The following PTPRN2 variants were observed in gnomAD, a reference collection of about 807,000 sequenced individuals.
The protein encoded by PTPRN2 is receptor-type tyrosine-protein phosphatase N2.
A neutral mutation model predicts 118.8 loss-of-function variants in PTPRN2; 74 were observed. That is an observed-to-expected ratio of 0.62 (90% confidence interval 0.52 to 0.76). The LOEUF is 0.76. PTPRN2 is among the 30% of genes least tolerant of loss of function. PTPRN2 has a pLI of 0.00. For synonymous variants in PTPRN2, 641 were observed against 608.0 expected, an observed-to-expected ratio of 1.05 and a Z score of -0.80; for missense variants, 1,481 against 1,394.4, an observed-to-expected ratio of 1.06 and a Z score of -0.99.
In PTPRN2 at chr7:157,571,467, C is replaced by T. The variant is rs199649946; in HGVS notation, c.2810G>A (p.Arg937His). 2.2e-5 allele frequency: 36 copies of T among 1,610,544 alleles called. No individual in the cohort carries two copies. The East Asian group carries it at 4.5e-4, about 20-fold the overall frequency. The change falls in exon 20 of 23, where the codon CGT becomes CAT. Residue 937 changes from arginine (R) to histidine (H), a missense_variant. Arg to His is a conservative substitution (Grantham distance 29). This residue lies in a region of PTPRN2 where 362 missense variants were observed against 384.1 expected (regional missense o/e 0.94). Transcript: ENST00000389418. ...RRKVNKCYRG[R>H]SCPIIVHCSD... ...GCAATGAACAATTATTGGACAAGAA[C>T]GGCCCCTGTAGCACTTGTTTACTTT...
chr7:158,582,556 A>C (rs553879806), intron 1 of PTPRN2, among the ~76,000 whole-genome samples: 3 of 142,288 alleles, frequency 2.1e-5, no homozygotes, highest in African/African-American at 8.0e-5. Flanking sequence ...GTCCTCTCTC[A>C]AAAAAAAAAA....
intron 1 of PTPRN2, among the ~76,000 whole-genome samples, chr7:158,523,820 G>A (rs867132957): frequency 1.9e-5 from 1 of 51,920 alleles, no homozygotes; most frequent in Non-Finnish European, 3.4e-5. Context: ...AGTGGAGTCT[G>A]CCCTGGAGTG....
intron 2 of PTPRN2, among the ~76,000 whole-genome samples, chr7:158,340,614 C>T (rs1281031018): frequency 4.4e-5 from 5 of 112,722 alleles, no homozygotes; most frequent in South Asian, 3.2e-4. Flanking sequence ...CACCCACACA[C>T]GTCACTCACA....
intron 11 of PTPRN2, among the ~76,000 whole-genome samples, chr7:157,924,211 G>A (rs1585024053): frequency 6.6e-6 from 1 of 152,216 alleles, no homozygotes; most frequent in Non-Finnish European, 1.5e-5. Flanking sequence ...GGGTGGCAGA[G>A]GAGGTCTATG....
intron 11 of PTPRN2, among the ~76,000 whole-genome samples, chr7:157,916,472 T>G (rs1292589218): frequency 6.6e-6 from 1 of 152,226 alleles, no homozygotes; most frequent in Non-Finnish European, 1.5e-5. Flanking sequence ...AACAAACTGC[T>G]CTCCTCTAAT....
chr7:158,283,014 G>A (rs150586711), intron 3 of PTPRN2, among the ~76,000 whole-genome samples: 143 of 151,396 alleles, frequency 9.4e-4, no homozygotes, highest in African/African-American at 3.3e-3. Flanking sequence ...CACAGCAGCC[G>A]GACACAGATG....
chr7:158,069,539 C>T (rs997985283), intron 11 of PTPRN2, among the ~76,000 whole-genome samples: 2 of 150,458 alleles, frequency 1.3e-5, no homozygotes, highest in Non-Finnish European at 3.0e-5. Context: ...ATGACAGGCT[C>T]GGCCGCCACG....
intron 1 of PTPRN2, among the ~76,000 whole-genome samples, chr7:158,572,663 A>G (rs903516065): frequency 1.3e-5 from 2 of 152,100 alleles, no homozygotes; most frequent in African/African-American, 4.8e-5. Context: ...CTGACTCATC[A>G]CTGTGATCCT....
intron 1 of PTPRN2, among the ~76,000 whole-genome samples, chr7:158,585,047 G>GCC (rs539741825): frequency 3.8e-4 from 58 of 152,310 alleles, no homozygotes; most frequent in African/African-American, 1.3e-3. Context: ...GCACAGCTGG[G>GCC]CCGGATTTAA....
At chr7:157,592,888 G>A (rs551072743) in intron 17 of PTPRN2, among the ~76,000 whole-genome samples, 18 of 140,192 alleles carry the variant, frequency 1.3e-4, no homozygotes, top group East Asian at 4.5e-4. Context: ...CATCGTGGTC[G>A]TTGAGTGTGG....
In PTPRN2 at chr7:158,438,679, T is replaced by A. The variant is rs1258633367; in HGVS notation, c.163+51056A>T. On this transcript the variant is annotated intron_variant, in intron 2 of 22. Coordinates refer to ENST00000389418, the MANE Select transcript of PTPRN2 (RefSeq NM_002847.5). The surrounding 1 kb of genome is among the most constrained non-coding windows in gnomAD (Gnocchi z 4.7). ...GGAATTTGCTAATGATGAATCGTGCTGTGTGAAAATACACTTTAGGCTGAT... is the reference window on the plus strand; with the variant it reads ...GGAATTTGCTAATGATGAATCGTGCAGTGTGAAAATACACTTTAGGCTGAT... Among the ~76,000 whole-genome samples the A allele has an allele frequency of 2.6e-5, 4 of 152,210 alleles. No homozygotes were observed. Among genetic ancestry groups the A allele is most frequent in the Admixed American group, 6.5e-5 (1 of 15,286 alleles).
intron 11 of PTPRN2, among the ~76,000 whole-genome samples, chr7:157,908,866 CAT>C (rs140851052): frequency 0.027 from 4,055 of 152,014 alleles, 181 homozygotes; most frequent in African/African-American, 0.092. Context: ...GCTTTTGAAG[CAT>C]AGTTTTAGTT....
At position 157,772,308 on chromosome 7, in the gene PTPRN2, C is replaced by CATACACACAGACATACAGAT. The variant is rs112064977; in HGVS notation, c.1789-89372_1789-89371insATCTGTATGTCTGTGTGTAT. On this transcript the variant is annotated intron_variant, in intron 12 of 22. Transcript: ENST00000389418. ...ACACACAAACACACAGACATACAGA[C>CATACACACAGACATACAGAT]ACACATAGACACAGACACACACATA... Among the ~76,000 whole-genome samples, 302 of 130,720 alleles carry CATACACACAGACATACAGAT rather than the reference C, an allele frequency of 2.3e-3. 2 individuals carry two copies. The highest frequency in any genetic ancestry group is 9.1e-3 in the African/African-American group (277 of 30,386). The allele number at this position is 130,720 out of a possible 152,430, so 85.8% of individuals were successfully genotyped here. A position where few individuals can be genotyped will look rare whatever the true frequency, so the allele number is the denominator to read the frequency against.
intron 2 of PTPRN2, among the ~76,000 whole-genome samples, chr7:158,340,786 C>T (rs1306755013): frequency 1.1e-5 from 1 of 88,744 alleles, no homozygotes; most frequent in African/African-American, 4.3e-5. Flanking sequence ...TAATTGGTGA[C>T]ACCTGCAGAC....
At chr7:158,205,377 C>T (rs551965159) in intron 3 of PTPRN2, 104 bp from the exon 4 acceptor site, 2 of 786,292 alleles carry the variant, frequency 2.5e-6, no homozygotes, top group South Asian at 3.2e-5. Context: ...AGTTGATGGT[C>T]CCATCAGCAA....
chr7:157,975,148 T>G (rs1055072443), intron 11 of PTPRN2, among the ~76,000 whole-genome samples: 1 of 152,100 alleles, frequency 6.6e-6, no homozygotes, highest in Non-Finnish European at 1.5e-5. Flanking sequence ...CCTAGGCCTT[T>G]CTGGGGCCCC....
At chr7:158,550,181 G>C (rs1255513605) in intron 1 of PTPRN2, among the ~76,000 whole-genome samples, 1 of 152,196 alleles carries the variant, frequency 6.6e-6, no homozygotes, top group Non-Finnish European at 1.5e-5. Flanking sequence ...CGAGCTCCTC[G>C]GAGCCCCAGC....
At chr7:157,846,255 C>T (rs1187135890) in intron 12 of PTPRN2, among the ~76,000 whole-genome samples, 3 of 151,978 alleles carry the variant, frequency 2.0e-5, no homozygotes, top group Non-Finnish European at 4.4e-5. Flanking sequence ...GTGTGATGTA[C>T]GTTTGCATCC....
intron 9 of PTPRN2, among the ~76,000 whole-genome samples, chr7:158,131,742 TACAC>T (rs956782371): frequency 1.2e-5 from 1 of 80,422 alleles, no homozygotes. Context: ...AACACACTCA[TACAC>T]ACACATGCAC....
Sources: allele counts gnomAD v4.1 joint callset (sites outside exome capture counted in the v4.1 genomes callset), GRCh38; gene constraint gnomAD v4.1.1; regional missense constraint gnomAD v4.1.1; non-coding constraint Gnocchi (gnomAD v3.1); transcripts MANE v1.5; gene names NCBI Gene and HGNC (gene_info 2026-07-23, HGNC 2026-07-21).